LDB2: variants seen among roughly 807,000 people sequenced by gnomAD.
LDB2 encodes the protein LIM domain-binding protein 2.
LDB2 carries 12 observed loss-of-function variants against 44.3 expected under a neutral mutation model. The ratio of observed to expected loss-of-function variants is 0.27; its 90% CI spans 0.17 to 0.44. The LOEUF is 0.44. Among genes scored for constraint, LDB2 ranks in the 20% least tolerant of loss-of-function variants. The pLI is 1.00. For synonymous variants in LDB2, 164 were observed against 174.8 expected, an observed-to-expected ratio of 0.94 and a Z score of 0.49; for missense variants, 344 against 473.5, an observed-to-expected ratio of 0.73 and a Z score of 2.54.
intron 1 of LDB2, among the ~76,000 whole-genome samples, chr4:16,869,262 C>T (rs4698159): frequency 0.27 from 40,089 of 151,024 alleles, 6,059 homozygotes; most frequent in East Asian, 0.68. Context: ...CTCAGGCAGG[C>T]CAGTTCTAAG....
chr4:16,695,543 T>C (rs1020870299), intron 2 of LDB2, among the ~76,000 whole-genome samples: 1 of 151,958 alleles, frequency 6.6e-6, no homozygotes, highest in Non-Finnish European at 1.5e-5. Context: ...CTTTAAAATA[T>C]ATCTCAACAT....
chr4:16,834,661 T>C (rs1580092530), intron 1 of LDB2, among the ~76,000 whole-genome samples: 1 of 152,108 alleles, frequency 6.6e-6, no homozygotes, highest in Non-Finnish European at 1.5e-5. Flanking sequence ...ACCCTGTCTC[T>C]ACTAAAAAGA....
intron 1 of LDB2, among the ~76,000 whole-genome samples, chr4:16,801,828 A>G (rs1309993272): frequency 2.6e-5 from 4 of 152,176 alleles, no homozygotes; most frequent in African/African-American, 7.2e-5. Flanking sequence ...AGAAAAGCCA[A>G]TGAGTTTGGA....
intron 1 of LDB2, among the ~76,000 whole-genome samples, chr4:16,773,784 G>C (rs1334509191): frequency 2.0e-5 from 3 of 151,890 alleles, no homozygotes; most frequent in Admixed American, 6.6e-5. Flanking sequence ...ACCCAGGCTA[G>C]AGTGCAGTGG....
intron 1 of LDB2, chr4:16,889,237 T>A (rs1722635769): frequency 6.6e-6 from 1 of 152,172 alleles, no homozygotes; most frequent in Non-Finnish European, 1.5e-5. Context: ...CCGAAAGCAC[T>A]TACCTAAAAT....
intron 1 of LDB2, among the ~76,000 whole-genome samples, chr4:16,780,649 C>T (rs964018345): frequency 2.6e-5 from 4 of 152,038 alleles, no homozygotes; most frequent in African/African-American, 9.7e-5. Flanking sequence ...CAGCCTTTCT[C>T]TCCAGATCCC....
chr4:16,636,921 T>C (rs920361868), intron 2 of LDB2, among the ~76,000 whole-genome samples: 4 of 152,208 alleles, frequency 2.6e-5, no homozygotes, highest in East Asian at 1.9e-4. Context: ...ATCTGTGTTG[T>C]ATTAAAGTTT....
At chr4:16,751,620 T>C (rs996524207) in intron 2 of LDB2, among the ~76,000 whole-genome samples, 2 of 152,246 alleles carry the variant, frequency 1.3e-5, no homozygotes, top group Admixed American at 1.3e-4. Context: ...GAATATTCTC[T>C]TTCTGAGCAA....
rs182601729 is a variant in LDB2 at position 16,838,208 on chromosome 4, C to T, written c.132+60146G>A. On this transcript the variant is annotated intron_variant, in intron 1 of 7. Transcript: ENST00000304523. The stretch of plus-strand genomic sequence containing the variant: ...ATGGAAATATATGAGCTAAACTTTT[C>T]ATCGAAAGGCACATTCCAGGTCCTA... Among the ~76,000 whole-genome samples, 35 of 152,318 alleles carry T rather than the reference C, an allele frequency of 2.3e-4. No homozygotes were observed. The East Asian group carries it at 6.6e-3, about 29-fold the overall frequency.
rs202191062 is a variant in LDB2, at chr4:16,749,581, T to G, written c.235+9577A>C. Reference sequence around the variant, plus strand: ...CTCAAAAAAAAAAAAAATAAAAAAATAAAAAAAAATATATATATATATATA... The same window carrying G: ...CTCAAAAAAAAAAAAAATAAAAAAAGAAAAAAAAATATATATATATATATA... On this transcript the variant is annotated intron_variant, in intron 2 of 7. Coordinates refer to ENST00000304523, the MANE Select transcript of LDB2 (RefSeq NM_001290.5). 7.8e-3 allele frequency among the ~76,000 whole-genome samples: 960 copies of G among 123,704 alleles called. 17 individuals are homozygous for G. The highest frequency in any genetic ancestry group is 0.026 in the African/African-American group (895 of 33,910). 81.2% of individuals were successfully genotyped at this position (123,704 alleles called of 152,430 possible). A position where few individuals can be genotyped will look rare whatever the true frequency, so the allele number is the denominator to read the frequency against.
At chr4:16,835,536 T>C (rs2110076222) in intron 1 of LDB2, among the ~76,000 whole-genome samples, 1 of 152,372 alleles carries the variant, frequency 6.6e-6, no homozygotes. Context: ...CCATGGTTTC[T>C]GACTATTTTT....
At chr4:16,794,069 G>T (rs566022193) in intron 1 of LDB2, among the ~76,000 whole-genome samples, 2 of 152,226 alleles carry the variant, frequency 1.3e-5, no homozygotes, top group South Asian at 4.2e-4. Flanking sequence ...CAGGGGAAGG[G>T]CCGTGCCCAA....
chr4:16,789,567 C>A (rs1304694655), intron 1 of LDB2, among the ~76,000 whole-genome samples: 5 of 152,200 alleles, frequency 3.3e-5, no homozygotes, highest in Admixed American at 3.3e-4. Context: ...AACACAACTA[C>A]CATTTGTCCA....
intron 1 of LDB2, among the ~76,000 whole-genome samples, chr4:16,810,088 T>C (rs1042850518): frequency 1.3e-5 from 2 of 152,214 alleles, no homozygotes; most frequent in Non-Finnish European, 2.9e-5. Flanking sequence ...CTAATGTTCA[T>C]GGAGCAGCCT....
chr4:16,726,582 C>G (rs1054781659), intron 2 of LDB2: 1 of 152,094 alleles, frequency 6.6e-6, no homozygotes, highest in Admixed American at 6.5e-5. Flanking sequence ...TACACAACAG[C>G]CAGAAAACGT....
chr4:16,855,845 T>G (rs774472845), intron 1 of LDB2, among the ~76,000 whole-genome samples: 12 of 152,116 alleles, frequency 7.9e-5, no homozygotes, highest in Non-Finnish European at 4.4e-5. Context: ...AACCAATGCA[T>G]GTTATTATAA....
At chr4:16,564,888 A>G (rs1194037959) in intron 5 of LDB2, among the ~76,000 whole-genome samples, 1 of 152,188 alleles carries the variant, frequency 6.6e-6, no homozygotes, top group Non-Finnish European at 1.5e-5. Context: ...AAAGAATATT[A>G]CCCAAATGGT....
At chr4:16,665,268 C>CTT (rs5856376) in intron 2 of LDB2, among the ~76,000 whole-genome samples, 2,442 of 127,126 alleles carry the variant, frequency 0.019, 99 homozygotes, top group African/African-American at 0.04. Context: ...TTTTTCATTT[C>CTT]TTTTTTTTTT....
intron 5 of LDB2, among the ~76,000 whole-genome samples, chr4:16,574,258 T>C (rs1002270492): frequency 3.9e-5 from 6 of 152,220 alleles, no homozygotes; most frequent in African/African-American, 1.4e-4. Context: ...TTTGAAGATT[T>C]AGACTTACTT....
Sources: allele counts gnomAD v4.1 joint callset (sites outside exome capture counted in the v4.1 genomes callset), GRCh38; gene constraint gnomAD v4.1.1; transcripts MANE v1.5; gene names NCBI Gene and HGNC (gene_info 2026-07-23, HGNC 2026-07-21).